SLC25A24: variants seen among roughly 807,000 people sequenced by gnomAD.
SLC25A24 encodes the protein mitochondrial adenyl nucleotide antiporter SLC25A24.
Under a neutral mutation model 60.7 loss-of-function variants are expected in SLC25A24, and 49 were observed. That is an observed-to-expected ratio of 0.81 (90% confidence interval 0.64 to 1.02). SLC25A24 has a LOEUF of 1.02. Among genes scored for constraint, SLC25A24 ranks in the 50% least tolerant of loss-of-function variants. The pLI is 0.00. For synonymous variants in SLC25A24, 202 were observed against 200.6 expected (o/e 1.01, Z -0.06); for missense variants, 564 against 586.3 (o/e 0.96, Z 0.39).
chr1:108,187,275 T>A (rs1262469711), intron 1 of SLC25A24, among the ~76,000 whole-genome samples: 1 of 152,112 alleles, frequency 6.6e-6, no homozygotes, highest in East Asian at 1.9e-4. Context: ...TGACCCATCA[T>A]TGAGGCTTAT....
chr1:108,149,729 AC>A (rs1159590069), intron 6 of SLC25A24, among the ~76,000 whole-genome samples: 1 of 152,036 alleles, frequency 6.6e-6, no homozygotes, highest in Admixed American at 6.6e-5. Flanking sequence ...AGAGAAGTGG[AC>A]TCATGCATGG....
chr1:108,165,994 GA>G (rs1341973993), intron 3 of SLC25A24, among the ~76,000 whole-genome samples: 1 of 152,134 alleles, frequency 6.6e-6, no homozygotes, highest in Non-Finnish European at 1.5e-5. Flanking sequence ...GCCTGGTGGT[GA>G]CAAAATCTCT....
intron 1 of SLC25A24, among the ~76,000 whole-genome samples, chr1:108,198,316 T>C (rs1648560327): frequency 6.6e-6 from 1 of 152,188 alleles, no homozygotes; most frequent in Admixed American, 6.5e-5. Context: ...AGCGAGGATG[T>C]GGAGAAGCAA....
intron 3 of SLC25A24, 143 bp downstream of exon 3, chr1:108,181,798 G>C: frequency 1.5e-6 from 1 of 658,822 alleles, no homozygotes; most frequent in Non-Finnish European, 2.7e-6. Context: ...CATACAAAAT[G>C]AATGGGAGGA....
At chr1:108,157,179 C>T (rs909431993) in intron 5 of SLC25A24, among the ~76,000 whole-genome samples, 13 of 152,090 alleles carry the variant, frequency 8.5e-5, no homozygotes, top group Non-Finnish European at 1.9e-4. Context: ...TCAGGAGAAT[C>T]CTACAACAAT....
intron 9 of SLC25A24, among the ~76,000 whole-genome samples, chr1:108,137,804 A>G (rs1433254764): frequency 6.6e-6 from 1 of 152,230 alleles, no homozygotes; most frequent in Non-Finnish European, 1.5e-5. Context: ...CCAGTTGCTC[A>G]TCTGAAAAAT....
rs578107020 is a variant in SLC25A24, at chr1:108,154,057, G to A, written c.822+926C>T. On this transcript the variant is annotated intron_variant, in intron 6 of 9. Transcript: ENST00000565488. The stretch of plus-strand genomic sequence containing the variant: ...GATAGGTTCTAATTAAAATCCTGGA[G>A]ACTAGATTTTCTTTAATTTTTTTTT... 3.5e-5 allele frequency among the ~76,000 whole-genome samples: 5 copies of A among 143,470 alleles called. No individual in the cohort carries two copies. In the East Asian group the frequency reaches 1.0e-3, roughly 29 times the overall value. The allele number at this position is 143,470 out of a possible 152,430, so 94.1% of individuals were successfully genotyped here.
Position 108,143,659 on chromosome 1 carries a change from A to G in SLC25A24, c.982T>C (p.Tyr328His). ...TTCAAAATCTTCTTGGCACAATCATATATTCCAGAGTACTGCCCAGTTTTG... is the reference window on the plus strand; with the variant it reads ...TTCAAAATCTTCTTGGCACAATCATGTATTCCAGAGTACTGCCCAGTTTTG... Reference protein sequence around the residue: ...VGKTGQYSGIYDCAKKILKHE... With the variant: ...VGKTGQYSGIHDCAKKILKHE... The change falls in exon 8 of 10, where the codon TAT becomes CAT. Residue 328 changes from tyrosine to histidine, a missense_variant. Coordinates refer to ENST00000565488, the MANE Select transcript of SLC25A24 (RefSeq NM_013386.5). The G allele has an allele frequency of 6.2e-7, 1 of 1,613,890 alleles. No homozygotes were observed. Among genetic ancestry groups the G allele is most frequent in the Non-Finnish European group, 8.5e-7 (1 of 1,179,834 alleles).
At chr1:108,149,422 T>C (rs772086700) in intron 6 of SLC25A24, among the ~76,000 whole-genome samples, 30 of 152,182 alleles carry the variant, frequency 2.0e-4, no homozygotes, top group Non-Finnish European at 4.0e-4. Context: ...GTCCACATTG[T>C]GGTTTCCTTG....
At chr1:108,173,434 G>A (rs1322235288) in intron 3 of SLC25A24, among the ~76,000 whole-genome samples, 1 of 152,152 alleles carries the variant, frequency 6.6e-6, no homozygotes, top group Non-Finnish European at 1.5e-5. Flanking sequence ...TGCTATGGCT[G>A]TAAGTTATCT....
intron 6 of SLC25A24, among the ~76,000 whole-genome samples, chr1:108,148,810 A>G (rs1242811078): frequency 6.6e-6 from 1 of 152,260 alleles, no homozygotes; most frequent in East Asian, 1.9e-4. Flanking sequence ...AGACAATCCT[A>G]GAATACAAAT....
intron 6 of SLC25A24, among the ~76,000 whole-genome samples, chr1:108,153,458 A>G (rs555423530): frequency 7.2e-5 from 11 of 152,332 alleles, no homozygotes; most frequent in South Asian, 2.1e-4. Flanking sequence ...CCATCATCCA[A>G]TGAAAAATGG....
chr1:108,172,313 G>A (rs1647491643), intron 3 of SLC25A24, among the ~76,000 whole-genome samples: 1 of 152,180 alleles, frequency 6.6e-6, no homozygotes, highest in South Asian at 2.1e-4. Context: ...TCAACACTGT[G>A]TTAGTCTGTT....
At chr1:108,199,450 C>T (rs1455263736) in intron 1 of SLC25A24, 1 of 164,204 alleles carries the variant, frequency 6.1e-6, no homozygotes, top group Non-Finnish European at 1.3e-5. Context: ...TGCCGCCATT[C>T]CTTCTCAACA....
Position 108,186,055 on chromosome 1 carries a change from T to A in SLC25A24, c.184-101A>T. ...CAGATTAGCTGTTTTCCTAAAAGAC[T>A]ATAGTACCTATTTTTGGCCAGATGT... On this transcript the variant is annotated intron_variant, in intron 1 of 9. Transcript: ENST00000565488. 4 of 870,348 alleles carry A rather than the reference T, an allele frequency of 4.6e-6. No homozygotes were observed. The South Asian group carries it at 6.9e-5, about 15-fold the overall frequency. The allele number at this position is 870,348 out of a possible 1,614,324, so 53.9% of individuals were successfully genotyped here.
At chr1:108,160,238 G>C (rs886366823) in intron 4 of SLC25A24, among the ~76,000 whole-genome samples, 1 of 151,490 alleles carries the variant, frequency 6.6e-6, no homozygotes, top group South Asian at 2.1e-4. Flanking sequence ...CATCCCAGAC[G>C]GGGCGGCGGG....
intron 3 of SLC25A24, among the ~76,000 whole-genome samples, chr1:108,178,213 A>G (rs1285335474): frequency 3.9e-5 from 6 of 152,082 alleles, no homozygotes; most frequent in Non-Finnish European, 8.8e-5. Flanking sequence ...AAAACCATTA[A>G]TACGTCTGAA....
intron 1 of SLC25A24, among the ~76,000 whole-genome samples, chr1:108,186,364 T>A (rs1378560963): frequency 6.6e-6 from 1 of 151,984 alleles, no homozygotes; most frequent in Non-Finnish European, 1.5e-5. Context: ...AAGACCAGAC[T>A]GGACAACATA....
Position 108,155,223 on chromosome 1 carries a change from C to G in SLC25A24, c.670-88G>C, listed in dbSNP as rs7555964. 524,146 of 1,102,242 alleles carry G rather than the reference C, an allele frequency of 0.48. 127,507 individuals are homozygous for G. Among genetic ancestry groups the G allele is most frequent in the African/African-American group, 0.63 (39,364 of 62,554 alleles). 68.3% of individuals were successfully genotyped at this position (1,102,242 alleles called of 1,614,324 possible). A position where few individuals can be genotyped will look rare whatever the true frequency, so the allele number is the denominator to read the frequency against. On this transcript the variant is annotated intron_variant, in intron 5 of 9. Transcript: ENST00000565488. ...CAACCACACAATCTTTTTCAATACCCTTTCTAACTGCAAGAAGATATATTT... is the reference window on the plus strand; with the variant it reads ...CAACCACACAATCTTTTTCAATACCGTTTCTAACTGCAAGAAGATATATTT...
Sources: gnomAD v4.1 joint callset for allele counts (sites outside exome capture counted in the v4.1 genomes callset) on GRCh38, gnomAD v4.1.1 for gene constraint, MANE v1.5 for transcripts, NCBI Gene and HGNC (gene_info 2026-07-23, HGNC 2026-07-21) for gene names.